The following WNK2 variants were observed in gnomAD, a reference collection of about 807,000 sequenced individuals.
The protein encoded by WNK2 is serine/threonine-protein kinase WNK2.
In WNK2, 67 loss-of-function variants were observed where a neutral mutation model predicts 192.1. The observed-to-expected ratio is 0.35, with a 90% confidence interval of 0.29 to 0.43. The LOEUF is 0.43. Ranked by LOEUF, WNK2 falls within the 20% of genes least tolerant of loss-of-function variation. The pLI is 1.00. For synonymous variants in WNK2, 1,439 were observed against 1,393.9 expected (o/e 1.03, Z -0.72); for missense variants, 2,698 against 3,089.7 (o/e 0.87, Z 3.01).
intron 2 of WNK2, among the ~76,000 whole-genome samples, chr9:93,196,319 G>A (rs1410444932): frequency 1.3e-5 from 2 of 152,124 alleles, no homozygotes; most frequent in African/African-American, 4.8e-5. Context: ...GCTGTGAGCC[G>A]ACTGTGGGAA....
At chr9:93,306,755 G>C in intron 26 of WNK2, 22 bp from the exon 27 acceptor site, 1 of 1,614,062 alleles carries the variant, frequency 6.2e-7, no homozygotes. Context: ...GTGGTCTTGT[G>C]TCGTTTCTTT....
rs139992553 is a variant in WNK2, at chr9:93,247,646, C to T, written c.1646C>T (p.Ala549Val). The change falls in exon 8 of 30, where the codon GCG becomes GTG. Residue 549 changes from alanine (A) to valine (V), a missense_variant. By Grantham distance (64) the Ala-to-Val change is moderately conservative. Around this residue, in one of 7 missense-constraint regions of WNK2, gnomAD observed 230 missense variants for 501.1 expected, o/e 0.46. Transcript: ENST00000427277. The surrounding 1 kb of genome is among the most constrained non-coding windows in gnomAD (Gnocchi z 5.2). ...TGGCGGCGGGAGAGGATCTGGCCCG[C>T]GCTGCAGCCCAAGGAGCAGCAGGAT... is the stretch of plus-strand genomic sequence containing the variant. The part of the protein sequence containing the change: ...IQWRRERIWP[A>V]LQPKEQQDVG... 3.3e-5 allele frequency: 52 copies of T among 1,585,986 alleles called. No homozygotes were observed. Among genetic ancestry groups the T allele is most frequent in the African/African-American group, 1.6e-4 (12 of 74,358 alleles).
intron 5 of WNK2, 52 bp from the exon 6 acceptor site, chr9:93,238,181 C>G: frequency 6.4e-7 from 1 of 1,571,124 alleles, no homozygotes; most frequent in Non-Finnish European, 8.8e-7. Flanking sequence ...TGGTGGAGGC[C>G]TCGCCTTCCG....
rs950990094 is a variant in WNK2 at position 93,292,857 on chromosome 9, G to A, written c.5392G>A (p.Glu1798Lys). Residue 1798 changes from glutamate (E) to lysine (K), a missense_variant, in exon 23 of 30, where the codon GAG (glutamate) becomes AAG (lysine). This residue lies in a region of WNK2 where 1,098 missense variants were observed against 1,101.0 expected (regional missense o/e 1.00). Coordinates refer to ENST00000427277, the MANE Select transcript of WNK2 (RefSeq NM_006648.4). ...GCGGGCGCAGACGGCCTCCTCCATC[G>A]AGGTCGGCGTGGGCGAGCCCGTGTC... ...VRRAQTASSI[E>K]VGVGEPVSSD... is the part of the protein sequence containing the mutation. 8 of 1,494,334 alleles carry A rather than the reference G, an allele frequency of 5.4e-6. No individual in the cohort carries two copies. Among genetic ancestry groups the A allele is most frequent in the South Asian group, 2.6e-5 (2 of 76,226 alleles). The allele number at this position is 1,494,334 out of a possible 1,614,324, so 92.6% of individuals were successfully genotyped here.
At chr9:93,299,349 G>C in intron 25 of WNK2, 88 bp downstream of exon 25, 1 of 1,396,336 alleles carries the variant, frequency 7.2e-7, no homozygotes, top group African/African-American at 1.5e-5. Context: ...GTTGTGTAGA[G>C]GGGTTGCAAG....
chr9:93,214,697 G>GCCGCCCCCC (rs1835388363), intron 2 of WNK2, among the ~76,000 whole-genome samples: 1 of 80,224 alleles, frequency 1.2e-5, no homozygotes, highest in Non-Finnish European at 2.5e-5. Context: ...TGAAGGTAGT[G>GCCGCCCCCC]CCCCCCCCCC....
intron 2 of WNK2, among the ~76,000 whole-genome samples, chr9:93,186,313 T>C (rs1564250962): frequency 1.3e-5 from 2 of 152,140 alleles, no homozygotes; most frequent in Admixed American, 1.3e-4. Flanking sequence ...TGGGGGTTTT[T>C]CTTGGCTGCA....
intron 16 of WNK2, 73 bp from the exon 17 acceptor site, chr9:93,267,673 G>A (rs1244002730): frequency 1.9e-5 from 28 of 1,470,686 alleles, no homozygotes; most frequent in South Asian, 1.1e-4. Flanking sequence ...GTAGACATCC[G>A]TCAATCCAGA....
intron 2 of WNK2, among the ~76,000 whole-genome samples, chr9:93,204,280 A>G (rs1832984700): frequency 6.6e-6 from 1 of 152,152 alleles, no homozygotes; most frequent in African/African-American, 2.4e-5. Flanking sequence ...TGGGTGCTCA[A>G]CATTTCTGCT....
chr9:93,242,971 G>T (rs191974043), intron 7 of WNK2, among the ~76,000 whole-genome samples: 37 of 152,302 alleles, frequency 2.4e-4, no homozygotes, highest in African/African-American at 8.7e-4. Context: ...GTGCTGGGGG[G>T]ACAGGGTACG....
intron 19 of WNK2, among the ~76,000 whole-genome samples, chr9:93,281,883 C>G (rs1321125769): frequency 6.6e-6 from 1 of 152,104 alleles, no homozygotes; most frequent in Non-Finnish European, 1.5e-5. Context: ...GCCCCAACCT[C>G]AAATATCGGT....
chr9:93,292,444 G>A (rs1452181429), intron 22 of WNK2, 47 bp from the exon 23 acceptor site: 1 of 1,613,542 alleles, frequency 6.2e-7, no homozygotes, highest in Non-Finnish European at 8.5e-7. Context: ...GGTTTGCTCT[G>A]TGCTGATGTT....
In WNK2 at chr9:93,244,419, A is replaced by G. The variant is rs192860893; in HGVS notation, c.1543-3124A>G. Among the ~76,000 whole-genome samples, 164 of 152,304 alleles carry G rather than the reference A, an allele frequency of 1.1e-3. 1 individual carries two copies. The highest frequency in any genetic ancestry group is 3.4e-3 in the Middle Eastern group (1 of 294). ...ACCTTCATACTCTCCTGATAATGCA[A>G]TGCGCCTGTGTGGCACTCACCATGG... On this transcript the variant is annotated intron_variant, in intron 7 of 29. Transcript: ENST00000427277.
intron 2 of WNK2, among the ~76,000 whole-genome samples, chr9:93,209,540 G>C (rs567756465): frequency 1.8e-4 from 28 of 152,330 alleles, no homozygotes; most frequent in African/African-American, 6.5e-4. Context: ...GGATTCTTCT[G>C]GTCTTGGTTT....
At chr9:93,297,148 C>G (rs1384978691) in intron 23 of WNK2, among the ~76,000 whole-genome samples, 1 of 149,640 alleles carries the variant, frequency 6.7e-6, no homozygotes, top group Non-Finnish European at 1.5e-5. Flanking sequence ...CGGCGTCATC[C>G]CCTCCCCATC....
In WNK2 at chr9:93,185,406, C is replaced by A; in HGVS notation, c.477C>A (p.Ala159=). 1 of 1,606,474 alleles carries A rather than the reference C, an allele frequency of 6.2e-7. No individual in the cohort carries two copies. Among genetic ancestry groups the A allele is most frequent in the Non-Finnish European group, 8.5e-7 (1 of 1,177,380 alleles). The change falls in exon 2 of 30, where the codon GCC becomes GCA. Residue 159 remains alanine (A), a synonymous_variant. Coordinates refer to ENST00000427277, the MANE Select transcript of WNK2 (RefSeq NM_006648.4). ...ATVRKEDEGA[A]EAKPEPGRTR... The stretch of plus-strand genomic sequence containing the variant: ...TGAGGAAGGAGGATGAGGGGGCGGC[C>A]GAGGCGAAGCCTGAGCCCGGGCGCA...
At position 93,185,064 on chromosome 9, in the gene WNK2, C is replaced by T. The variant is rs1309033639; in HGVS notation, c.135C>T (p.Ser45=). The change falls in exon 2 of 30, where the codon AGC becomes AGT. Residue 45 remains serine (S), a synonymous_variant. Coordinates refer to ENST00000427277, the MANE Select transcript of WNK2 (RefSeq NM_006648.4). ...RPGPQRFLRR[S]VVESDQEEPP... ...GGCCCCAGCGCTTTCTGCGGCGCAG[C>T]GTGGTAGAGTCGGACCAGGAGGAGC... The T allele has an allele frequency of 1.5e-6, 2 of 1,310,496 alleles. No homozygotes were observed. Among genetic ancestry groups the T allele is most frequent in the South Asian group, 2.0e-5 (1 of 49,606 alleles). The allele number at this position is 1,310,496 out of a possible 1,614,324, so 81.2% of individuals were successfully genotyped here.
At chr9:93,200,963 C>T (rs530478598) in intron 2 of WNK2, among the ~76,000 whole-genome samples, 1 of 151,978 alleles carries the variant, frequency 6.6e-6, no homozygotes, top group South Asian at 2.1e-4. Context: ...AGAAAGGGAC[C>T]GATGATATTT....
chr9:93,259,432 CTGCCCCCTCAACCTGTGT>C lies in WNK2; in HGVS notation c.2892_2909del (p.Val967_Pro972del), dbSNP rs1197890823. The C allele has an allele frequency of 1.3e-6, 2 of 1,531,912 alleles. No homozygotes were observed. The highest frequency in any genetic ancestry group is 1.4e-5 in the African/African-American group (1 of 69,238). 94.9% of individuals were successfully genotyped at this position (1,531,912 alleles called of 1,614,324 possible). A position where few individuals can be genotyped will look rare whatever the true frequency, so the allele number is the denominator to read the frequency against. ...ACCCGTGCTGCCCCCGCAACCCACG[CTGCCCCCTCAACCTGTGT>C]TGCCCCCGCAACCCACACGGCCCCC... On this transcript the variant is annotated inframe_deletion, in exon 12 of 30. Transcript: ENST00000427277. The surrounding 1 kb of genome is among the most constrained non-coding windows in gnomAD (Gnocchi z 4.8).
Sources: gnomAD v4.1 joint callset for allele counts (sites outside exome capture counted in the v4.1 genomes callset) on GRCh38, gnomAD v4.1.1 for gene constraint, gnomAD v4.1.1 regional missense constraint, Gnocchi (gnomAD v3.1) non-coding constraint, MANE v1.5 for transcripts, NCBI Gene and HGNC (gene_info 2026-07-23, HGNC 2026-07-21) for gene names.